The following FABP6 variants were observed in gnomAD, a reference collection of about 807,000 sequenced individuals.
The protein encoded by FABP6 is fatty acid binding protein 6.
Under a neutral mutation model 14.9 loss-of-function variants are expected in FABP6, and 13 were observed. That is an observed-to-expected ratio of 0.87 (90% CI 0.57 to 1.39). The LOEUF is 1.39. FABP6 is among the 40% of genes most tolerant of loss of function. The probability of loss-of-function intolerance (pLI) is 0.00; values close to 1 mark genes in which losing one functional copy is unlikely to be tolerated. For synonymous variants in FABP6, 75 were observed against 63.6 expected, an observed-to-expected ratio of 1.18 and a Z score of -0.85; for missense variants, 161 against 167.2, an observed-to-expected ratio of 0.96 and a Z score of 0.20.
intron 1 of FABP6, chr5:160,198,872 CTT>C: frequency 1.8e-6 from 1 of 563,782 alleles, no homozygotes; most frequent in South Asian, 2.2e-5. Context: ...GCACTTTTGA[CTT>C]TATCTTCTTA....
chr5:160,224,768 A>AT (rs1240707737), upstream of FABP6, among the ~76,000 whole-genome samples: 1 of 147,618 alleles, frequency 6.8e-6, no homozygotes, highest in Non-Finnish European at 1.5e-5. Context: ...CTCTACAATA[A>AT]TTTTTTCCTT....
intron 1 of FABP6, among the ~76,000 whole-genome samples, chr5:160,195,437 G>A (rs1488429346): frequency 6.6e-6 from 1 of 152,084 alleles, no homozygotes; most frequent in Non-Finnish European, 1.5e-5. Flanking sequence ...CTACTGCCAA[G>A]CCTCAAACTT....
intron 3 of FABP6, among the ~76,000 whole-genome samples, chr5:160,219,612 C>T (rs899432225): frequency 6.6e-6 from 1 of 152,094 alleles, no homozygotes; most frequent in African/African-American, 2.4e-5. Context: ...AGCTGAGTGC[C>T]AATGTCATCC....
chr5:160,202,200 C>T lies in FABP6; in HGVS notation c.51+3043C>T, dbSNP rs1281501876. ...GAGACGACACAATCCTCAGTATTGTCATTATCATTCATCGAAGTGCCATGA... is the reference window on the plus strand; with the variant it reads ...GAGACGACACAATCCTCAGTATTGTTATTATCATTCATCGAAGTGCCATGA... On this transcript the variant is annotated intron_variant, in intron 2 of 6. Coordinates refer to the FABP6 transcript ENST00000393980. Among the ~76,000 whole-genome samples, 4 of 152,178 alleles carry T rather than the reference C, an allele frequency of 2.6e-5. No homozygotes were observed. In the East Asian group the frequency reaches 7.7e-4, roughly 29 times the overall value.
intron 1 of FABP6, among the ~76,000 whole-genome samples, chr5:160,189,656 A>G (rs924591396): frequency 7.9e-5 from 12 of 152,140 alleles, no homozygotes; most frequent in Admixed American, 6.5e-4. Flanking sequence ...GGATCTATTG[A>G]GCCCAGGAAT....
At chr5:160,221,427 G>A (rs1296130696) in intron 3 of FABP6, among the ~76,000 whole-genome samples, 1 of 152,160 alleles carries the variant, frequency 6.6e-6, no homozygotes, top group Non-Finnish European at 1.5e-5. Context: ...GCAGGCCAAG[G>A]CAGGAAGGAG....
intron 3 of FABP6, among the ~76,000 whole-genome samples, chr5:160,218,666 G>A (rs1197478852): frequency 3.3e-5 from 5 of 151,498 alleles, no homozygotes; most frequent in Non-Finnish European, 7.4e-5. Flanking sequence ...TCGCCATGTT[G>A]GTTAGGGTGG....
At chr5:160,231,561 T>C (rs534032667) in intron 1 of FABP6, among the ~76,000 whole-genome samples, 1 of 152,078 alleles carries the variant, frequency 6.6e-6, no homozygotes, top group East Asian at 1.9e-4. Context: ...GCCCAGATAA[T>C]TTTTTTGTAT....
intron 1 of FABP6, among the ~76,000 whole-genome samples, chr5:160,193,993 C>T (rs950078580): frequency 5.3e-5 from 8 of 152,206 alleles, no homozygotes; most frequent in Non-Finnish European, 1.0e-4. Flanking sequence ...CCCACGGAGG[C>T]GGGGGAAGGC....
At chr5:160,213,359 G>A (rs1287340089) in intron 2 of FABP6, among the ~76,000 whole-genome samples, 1 of 152,218 alleles carries the variant, frequency 6.6e-6, no homozygotes, top group East Asian at 1.9e-4. Flanking sequence ...ATCCATTCTG[G>A]TGGTGGTGGC....
At chr5:160,220,653 T>C (rs949241881) in intron 3 of FABP6, among the ~76,000 whole-genome samples, 4 of 152,182 alleles carry the variant, frequency 2.6e-5, no homozygotes. Flanking sequence ...TTGTTAATTC[T>C]TCTCATATTA....
intron 1 of FABP6, among the ~76,000 whole-genome samples, chr5:160,193,801 C>T (rs190228884): frequency 0.017 from 2,609 of 152,334 alleles, 68 homozygotes; most frequent in African/African-American, 0.058. Context: ...TTCTCCACCT[C>T]CCCACCAGAC....
intron 3 of FABP6, among the ~76,000 whole-genome samples, chr5:160,220,015 C>T (rs1032171823): frequency 4.6e-5 from 7 of 152,210 alleles, no homozygotes; most frequent in Admixed American, 2.0e-4. Context: ...CAACACTATC[C>T]CAGTACCCAC....
intron 3 of FABP6, chr5:160,213,865 A>T: frequency 1.3e-6 from 2 of 1,515,322 alleles, no homozygotes; most frequent in South Asian, 2.2e-5. Context: ...CGTTTTTCAG[A>T]TTCTGGTTCT....
chr5:160,235,296 G>A (rs1262500736), intron 3 of FABP6, among the ~76,000 whole-genome samples: 3 of 152,158 alleles, frequency 2.0e-5, no homozygotes, highest in Non-Finnish European at 4.4e-5. Context: ...TCAAAGGACA[G>A]CCACCACTCC....
chr5:160,220,124 A>G (rs1760100481), intron 3 of FABP6, among the ~76,000 whole-genome samples: 1 of 152,192 alleles, frequency 6.6e-6, no homozygotes. Flanking sequence ...GAAGGGTTAA[A>G]TTAATGCTGC....
intron 1 of FABP6, among the ~76,000 whole-genome samples, chr5:160,190,373 C>G (rs929234317): frequency 6.6e-6 from 1 of 152,068 alleles, no homozygotes; most frequent in African/African-American, 2.4e-5. Flanking sequence ...GCTGGGATTA[C>G]AGGCATGCAC....
intron 3 of FABP6, among the ~76,000 whole-genome samples, chr5:160,224,156 A>T (rs1040828889): frequency 2.0e-5 from 3 of 152,154 alleles, no homozygotes; most frequent in African/African-American, 7.2e-5. Context: ...GAATGGCGTG[A>T]ACCCAGGAGG....
At chr5:160,191,258 G>C (rs1338699735) in intron 1 of FABP6, among the ~76,000 whole-genome samples, 1 of 152,040 alleles carries the variant, frequency 6.6e-6, no homozygotes, top group Non-Finnish European at 1.5e-5. Context: ...CTGAGGTCAG[G>C]AGTTCGAGAC....
Sources: allele counts gnomAD v4.1 joint callset (sites outside exome capture counted in the v4.1 genomes callset), GRCh38; gene constraint gnomAD v4.1.1; transcripts MANE v1.5; gene names NCBI Gene and HGNC (gene_info 2026-07-23, HGNC 2026-07-21).